KAZN: variants seen among roughly 807,000 people sequenced by gnomAD.
The protein encoded by KAZN is kazrin.
In KAZN, 40 loss-of-function variants were observed where a neutral mutation model predicts 87.4. The observed-to-expected ratio is 0.46, with a 90% confidence interval of 0.36 to 0.60. KAZN has a LOEUF of 0.60. KAZN is among the 20% of genes least tolerant of loss of function. The pLI is 0.00. For synonymous variants in KAZN, 466 were observed against 458.3 expected, an observed-to-expected ratio of 1.02 and a Z score of -0.22; for missense variants, 898 against 1,073.9, an observed-to-expected ratio of 0.84 and a Z score of 2.29.
At position 14,420,629 on chromosome 1, in the gene KAZN, A is replaced by G. The variant is rs552100928; in HGVS notation, c.250-178354A>G. Among the ~76,000 whole-genome samples the G allele has an allele frequency of 4.5e-3, 679 of 152,290 alleles. 3 individuals carry two copies. Among genetic ancestry groups the G allele is most frequent in the African/African-American group, 0.015 (619 of 41,560 alleles). ...GGGAGGCTCAGGCATGGCCCGCTGC[A>G]GGTCTGGAGCCCTGCCATGCCGGGA... On this transcript the variant is annotated intron_variant, in intron 2 of 16. Transcript: ENST00000636203.
chr1:14,470,919 G>A (rs535318513), intron 2 of KAZN, among the ~76,000 whole-genome samples: 2 of 152,294 alleles, frequency 1.3e-5, no homozygotes, highest in East Asian at 3.9e-4. Context: ...TTGCTCTGGG[G>A]GGAGCCAGCT....
intron 2 of KAZN, among the ~76,000 whole-genome samples, chr1:14,371,197 C>T (rs1459255860): frequency 6.6e-6 from 1 of 152,152 alleles, no homozygotes; most frequent in Non-Finnish European, 1.5e-5. Flanking sequence ...GCCAAGCAAG[C>T]TACATTTGGG....
chr1:14,698,334 G>T (rs1641729103), intron 1 of KAZN, among the ~76,000 whole-genome samples: 1 of 152,164 alleles, frequency 6.6e-6, no homozygotes, highest in Non-Finnish European at 1.5e-5. Flanking sequence ...AGGTGGGGTG[G>T]GATGGGGGCA....
intron 2 of KAZN, among the ~76,000 whole-genome samples, chr1:14,450,416 C>G (rs1172394290): frequency 2.0e-5 from 3 of 152,086 alleles, no homozygotes; most frequent in African/African-American, 4.8e-5. Flanking sequence ...TGGTGAAACC[C>G]CGTCTCTACT....
At chr1:15,090,263 T>A (rs565306925) in intron 8 of KAZN, among the ~76,000 whole-genome samples, 23 of 152,270 alleles carry the variant, frequency 1.5e-4, no homozygotes, top group African/African-American at 5.3e-4. Context: ...TGGCCACATA[T>A]CACCTCTCCT....
intron 2 of KAZN, among the ~76,000 whole-genome samples, chr1:14,188,993 A>G (rs970688340): frequency 2.2e-4 from 34 of 152,122 alleles, no homozygotes; most frequent in Non-Finnish European, 2.2e-4. Flanking sequence ...ATTAAACTCA[A>G]ACAGTCCCAT....
intron 2 of KAZN, among the ~76,000 whole-genome samples, chr1:14,549,559 T>C (rs1456120150): frequency 1.3e-5 from 2 of 151,860 alleles, no homozygotes; most frequent in African/African-American, 4.8e-5. Flanking sequence ...ACATGGGTAA[T>C]GGACCCAAAC....
intron 1 of KAZN, among the ~76,000 whole-genome samples, chr1:14,757,577 T>C (rs550847375): frequency 4.1e-4 from 62 of 152,194 alleles, no homozygotes; most frequent in African/African-American, 1.5e-3. Flanking sequence ...TTATGGAGAG[T>C]GTGTAGTGAA....
At chr1:14,106,507 G>GGT (rs1243321809) in intron 1 of KAZN, among the ~76,000 whole-genome samples, 1 of 152,134 alleles carries the variant, frequency 6.6e-6, no homozygotes, top group East Asian at 1.9e-4. Flanking sequence ...TCCTTTAGTG[G>GGT]TCAAAGCCTG....
chr1:14,195,212 C>T (rs923231890), intron 2 of KAZN, among the ~76,000 whole-genome samples: 6 of 151,980 alleles, frequency 3.9e-5, no homozygotes. Flanking sequence ...AAGGCTGTTC[C>T]TTCTTCAAGG....
At chr1:14,985,092 T>C (rs1452085644) in intron 2 of KAZN, among the ~76,000 whole-genome samples, 22 of 148,118 alleles carry the variant, frequency 1.5e-4, no homozygotes, top group East Asian at 2.0e-4. Context: ...GCCAAGATCA[T>C]GCCACTGCAC....
intron 1 of KAZN, among the ~76,000 whole-genome samples, chr1:14,798,928 T>A (rs1645918762): frequency 6.6e-6 from 1 of 150,892 alleles, no homozygotes; most frequent in South Asian, 2.2e-4. Context: ...GCCCAGCCAA[T>A]TATTTGTTTG....
intron 2 of KAZN, among the ~76,000 whole-genome samples, chr1:14,444,183 T>A (rs1484455106): frequency 1.3e-5 from 2 of 152,162 alleles, no homozygotes; most frequent in Admixed American, 1.3e-4. Flanking sequence ...CTTCATGAGA[T>A]GTACATATAC....
intron 1 of KAZN, among the ~76,000 whole-genome samples, chr1:14,783,248 T>G (rs1645410760): frequency 6.6e-6 from 1 of 152,026 alleles, no homozygotes; most frequent in Non-Finnish European, 1.5e-5. Context: ...GAACATTTAG[T>G]TTTAATCTTA....
intron 2 of KAZN, among the ~76,000 whole-genome samples, chr1:14,328,631 A>G (rs1656612070): frequency 6.6e-6 from 1 of 151,672 alleles, no homozygotes. Context: ...TGAACCCGAG[A>G]CGTGGAGCTT....
At chr1:15,017,396 A>G (rs1670227777) in intron 2 of KAZN, among the ~76,000 whole-genome samples, 1 of 152,230 alleles carries the variant, frequency 6.6e-6, no homozygotes, top group Non-Finnish European at 1.5e-5. Context: ...CCTTCTATTA[A>G]TAAGGCCGTG....
At chr1:14,585,618 C>T (rs1411971551) in intron 2 of KAZN, among the ~76,000 whole-genome samples, 6 of 152,114 alleles carry the variant, frequency 3.9e-5, no homozygotes, top group Non-Finnish European at 8.8e-5. Flanking sequence ...ATGCCCAAGC[C>T]TAACATCAGG....
chr1:14,402,292 A>T (rs1663483288), intron 2 of KAZN, among the ~76,000 whole-genome samples: 1 of 152,038 alleles, frequency 6.6e-6, no homozygotes, highest in African/African-American at 2.4e-5. Flanking sequence ...CCTAATAGCA[A>T]CAAATTTATG....
chr1:14,603,451 A>G (rs1362790692), intron 1 of KAZN, among the ~76,000 whole-genome samples: 1 of 152,204 alleles, frequency 6.6e-6, no homozygotes, highest in Non-Finnish European at 1.5e-5. Context: ...GTGTGGTCAC[A>G]AAGAGATTAC....
Sources: gnomAD v4.1 joint callset for allele counts (sites outside exome capture counted in the v4.1 genomes callset) on GRCh38, gnomAD v4.1.1 for gene constraint, MANE v1.5 for transcripts, NCBI Gene and HGNC (gene_info 2026-07-23, HGNC 2026-07-21) for gene names.